Variants in MMD observed in about 807,000 individuals in gnomAD.
MMD encodes the protein monocyte to macrophage differentiation factor.
Under a neutral mutation model 33.6 loss-of-function variants are expected in MMD, and 22 were observed. The observed-to-expected ratio is 0.66, with a 90% CI of 0.47 to 0.94. The LOEUF is 0.94. Among genes scored for constraint, MMD ranks in the 40% least tolerant of loss-of-function variants. The pLI is 0.00. For missense variants in MMD, 242 were observed against 309.8 expected (o/e 0.78, Z 1.64); for synonymous variants, 97 against 103.2 (o/e 0.94, Z 0.36).
chr17:55,395,853 G>T (rs1001149531), intron 6 of MMD, among the ~76,000 whole-genome samples: 3 of 152,204 alleles, frequency 2.0e-5, no homozygotes, highest in Non-Finnish European at 4.4e-5. Context: ...ATTTGTGTGT[G>T]TATTAGGAGC....
rs765810575 is a variant in MMD, at chr17:55,403,453, G to A, written c.446+314C>T. On this transcript the variant is annotated intron_variant, in intron 5 of 6. Transcript: ENST00000262065. ...CTTGACAAGTGGCTGGTTTTCTCACGTGATGACTGAATCACAGAGAATAAG... is the reference window on the plus strand; with the variant it reads ...CTTGACAAGTGGCTGGTTTTCTCACATGATGACTGAATCACAGAGAATAAG... Among the ~76,000 whole-genome samples the A allele has an allele frequency of 1.2e-3, 176 of 152,098 alleles. 1 individual carries two copies. Among genetic ancestry groups the A allele is most frequent in the African/African-American group, 2.2e-3 (91 of 41,472 alleles).
chr17:55,404,222 G>C (rs1354519874), intron 4 of MMD, among the ~76,000 whole-genome samples: 1 of 152,036 alleles, frequency 6.6e-6, no homozygotes, highest in East Asian at 1.9e-4. Context: ...AGGTGTGGTG[G>C]CATGTGCCTG....
chr17:55,392,917 A>G lies in MMD; in HGVS notation c.*1417T>C, dbSNP rs1419532751. The G allele has an allele frequency of 6.6e-6, 1 of 152,144 alleles. No homozygotes were observed. 9.4% of individuals were successfully genotyped at this position (152,144 alleles called of 1,614,324 possible). ...TCAGAGAGTTCTAAACATATACAAA[A>G]TAAACCTCTTTTAAAGCCACATCAG... On this transcript the variant is annotated 3_prime_UTR_variant, in exon 7 of 7. Transcript: ENST00000262065.
At chr17:55,406,777 T>TA (rs1264590327) in intron 4 of MMD, among the ~76,000 whole-genome samples, 1 of 152,090 alleles carries the variant, frequency 6.6e-6, no homozygotes, top group Non-Finnish European at 1.5e-5. Flanking sequence ...TCCCAGCTAC[T>TA]TGGGAGAAAG....
intron 3 of MMD, among the ~76,000 whole-genome samples, chr17:55,410,996 G>A (rs116923033): frequency 6.6e-6 from 1 of 152,324 alleles, no homozygotes; most frequent in East Asian, 1.9e-4. Flanking sequence ...TTTTTAAGTG[G>A]TAAGTCCTGG....
chr17:55,414,234 T>C lies in MMD; in HGVS notation c.27-2A>G, dbSNP rs1420333668. On this transcript the variant is annotated splice_acceptor_variant, in intron 1 of 6. Coordinates refer to ENST00000262065, the MANE Select transcript of MMD (RefSeq NM_012329.3). LOFTEE classifies it high-confidence loss of function. ...GCTGGAGCTCGATGGTTCATGAACCTGTAAAAACAAAAAGAACACATGTAA... is the reference window on the plus strand; with the variant it reads ...GCTGGAGCTCGATGGTTCATGAACCCGTAAAAACAAAAAGAACACATGTAA... The C allele has an allele frequency of 5.0e-6, 8 of 1,613,380 alleles. No individual in the cohort carries two copies. Among genetic ancestry groups the C allele is most frequent in the Non-Finnish European group, 1.7e-6 (2 of 1,179,608 alleles).
At chr17:55,401,251 T>A (rs1347514387) in intron 6 of MMD, among the ~76,000 whole-genome samples, 3 of 152,166 alleles carry the variant, frequency 2.0e-5, no homozygotes, top group Non-Finnish European at 4.4e-5. Flanking sequence ...CCTCCTGGGC[T>A]CAAGCAATCC....
At chr17:55,414,796 C>T (rs2143156523) in intron 1 of MMD, among the ~76,000 whole-genome samples, 1 of 152,160 alleles carries the variant, frequency 6.6e-6, no homozygotes, top group South Asian at 2.1e-4. Flanking sequence ...TATTACCAGA[C>T]AGCTTAAATA....
intron 6 of MMD, among the ~76,000 whole-genome samples, chr17:55,397,722 A>G (rs1907158296): frequency 6.6e-6 from 1 of 151,732 alleles, no homozygotes; most frequent in Admixed American, 6.6e-5. Flanking sequence ...TTGTATTTTT[A>G]GTAGAGACAG....
intron 4 of MMD, among the ~76,000 whole-genome samples, chr17:55,407,502 C>T (rs1000419712): frequency 6.6e-6 from 1 of 152,094 alleles, no homozygotes; most frequent in Non-Finnish European, 1.5e-5. Flanking sequence ...AAGTTCATAG[C>T]ACTTCTTGAA....
At chr17:55,407,299 A>AAAATAAATAAATAAAT (rs59882220) in intron 4 of MMD, among the ~76,000 whole-genome samples, 36 of 142,574 alleles carry the variant, frequency 2.5e-4, no homozygotes, top group Admixed American at 9.1e-4. Context: ...ACTCCATCTC[A>AAAATAAATAAATAAAT]AAATAAATAA....
intron 1 of MMD, among the ~76,000 whole-genome samples, chr17:55,415,073 C>T (rs542726621): frequency 8.5e-5 from 13 of 152,244 alleles, no homozygotes; most frequent in African/African-American, 2.9e-4. Flanking sequence ...ATGAATACCA[C>T]AGAACCTAAA....
chr17:55,400,994 G>A (rs1442498208), intron 6 of MMD, among the ~76,000 whole-genome samples: 1 of 152,054 alleles, frequency 6.6e-6, no homozygotes, highest in East Asian at 1.9e-4. Flanking sequence ...TTAAAAGCAA[G>A]GGAAAGGAAA....
At chr17:55,413,563 G>T (rs1907847675) in intron 2 of MMD, among the ~76,000 whole-genome samples, 1 of 151,950 alleles carries the variant, frequency 6.6e-6, no homozygotes, top group South Asian at 2.1e-4. Flanking sequence ...ATATTTTTCA[G>T]TATTTTTAAA....
intron 1 of MMD, among the ~76,000 whole-genome samples, chr17:55,415,508 A>C (rs1907932518): frequency 1.3e-5 from 2 of 152,248 alleles, no homozygotes; most frequent in African/African-American, 4.8e-5. Flanking sequence ...GGGCTGAACC[A>C]AATGGTAGAA....
chr17:55,394,511 T>A lies in MMD; in HGVS notation c.540A>T (p.Glu180Asp), dbSNP rs1005646213. 2.0e-6 allele frequency: 3 copies of A among 1,519,454 alleles called. No individual in the cohort carries two copies. The African/African-American group carries it at 4.3e-5, about 22-fold the overall frequency. The allele number at this position is 1,519,454 out of a possible 1,614,324, so 94.1% of individuals were successfully genotyped here. A position where few individuals can be genotyped will look rare whatever the true frequency, so the allele number is the denominator to read the frequency against. The change falls in exon 7 of 7, where the codon GAA becomes GAT. Residue 180 changes from glutamate to aspartate, a missense_variant. Glu to Asp is a conservative substitution (Grantham distance 45). Coordinates refer to ENST00000262065, the MANE Select transcript of MMD (RefSeq NM_012329.3). ...TSMNNTDGLQELACGGLIYCL... is the reference protein window; with the variant it reads ...TSMNNTDGLQDLACGGLIYCL... ...AATAAATTAAGCCCCCACAGGCAAG[T>A]TCCTGAAGTCCATCGGTGTTGTTCT...
In MMD at chr17:55,405,396, A is replaced by AG. The variant is rs1491540272; in HGVS notation, c.345-1529dup. Among the ~76,000 whole-genome samples the AG allele has an allele frequency of 7.4e-5, 11 of 148,346 alleles. No individual in the cohort carries two copies. In the East Asian group the frequency reaches 1.0e-3, roughly 14 times the overall value. ...GTCTCAAAGAAAAAAAAAAAAAAAA[A>AG]GAATAAATGAGGAAGAAACAAATGT... On this transcript the variant is annotated intron_variant, in intron 4 of 6. Transcript: ENST00000262065.
At chr17:55,410,054 G>A (rs1907704527) in intron 3 of MMD, among the ~76,000 whole-genome samples, 1 of 152,142 alleles carries the variant, frequency 6.6e-6, no homozygotes. Context: ...ATGCAATATT[G>A]TAAAAGATAT....
At chr17:55,407,894 G>A (rs955856289) in intron 3 of MMD, 74 bp from the exon 4 acceptor site, 1 of 1,040,116 alleles carries the variant, frequency 9.6e-7, no homozygotes, top group African/African-American at 1.6e-5. Flanking sequence ...ACTCCACTAT[G>A]TTGCAATTTC....
Sources: gnomAD v4.1 joint callset for allele counts (sites outside exome capture counted in the v4.1 genomes callset) on GRCh38, gnomAD v4.1.1 for gene constraint, MANE v1.5 for transcripts, NCBI Gene and HGNC (gene_info 2026-07-23, HGNC 2026-07-21) for gene names.